The following UST variants were observed in gnomAD, a reference collection of about 807,000 sequenced individuals.
The protein encoded by UST is chondroitin sulfate 2-O-sulfotransferase.
In UST, 21 loss-of-function variants were observed where a neutral mutation model predicts 45.6. The ratio of observed to expected loss-of-function variants is 0.46; its 90% confidence interval spans 0.33 to 0.66. The LOEUF is 0.66. Among genes scored for constraint, UST ranks in the 30% least tolerant of loss-of-function variants. The pLI is 0.02. For missense variants in UST, 463 were observed against 512.4 expected (o/e 0.90, Z 0.93); for synonymous variants, 215 against 200.6 (o/e 1.07, Z -0.61).
At chr6:148,800,241 G>A (rs1469366668) in intron 1 of UST, among the ~76,000 whole-genome samples, 1 of 152,192 alleles carries the variant, frequency 6.6e-6, no homozygotes, top group Non-Finnish European at 1.5e-5. Flanking sequence ...TGGTTCAGAA[G>A]CCAGCCTCAT....
At chr6:148,803,249 C>T (rs1433854923) in intron 1 of UST, among the ~76,000 whole-genome samples, 1 of 152,170 alleles carries the variant, frequency 6.6e-6, no homozygotes, top group Non-Finnish European at 1.5e-5. Context: ...TCCATTTCTA[C>T]TCTCCTTCTT....
At chr6:148,846,510 A>G (rs1181007523) in intron 1 of UST, among the ~76,000 whole-genome samples, 3 of 151,992 alleles carry the variant, frequency 2.0e-5, no homozygotes, top group African/African-American at 4.8e-5. Flanking sequence ...TGACGAGTTA[A>G]TGGGTGCAGC....
chr6:148,938,940 T>C (rs2114919926), intron 2 of UST, among the ~76,000 whole-genome samples: 1 of 152,134 alleles, frequency 6.6e-6, no homozygotes, highest in Non-Finnish European at 1.5e-5. Context: ...AAAACTTCTC[T>C]GTTTGCACAT....
chr6:148,830,312 C>G (rs1403848818), intron 1 of UST, among the ~76,000 whole-genome samples: 2 of 152,162 alleles, frequency 1.3e-5, no homozygotes, highest in African/African-American at 2.4e-5. Context: ...TTTCTATTAT[C>G]CTTTCATTTC....
intron 5 of UST, among the ~76,000 whole-genome samples, chr6:149,017,547 A>G (rs1464066340): frequency 6.6e-6 from 1 of 151,980 alleles, no homozygotes; most frequent in South Asian, 2.1e-4. Context: ...GTTTATGTAA[A>G]CATGTTGATT....
chr6:148,933,876 C>G (rs983794440), intron 2 of UST, among the ~76,000 whole-genome samples: 1 of 152,210 alleles, frequency 6.6e-6, no homozygotes, highest in Non-Finnish European at 1.5e-5. Flanking sequence ...AAGAATAGGA[C>G]AGCCAAGGTG....
intron 2 of UST, among the ~76,000 whole-genome samples, chr6:148,936,655 C>A (rs1780032860): frequency 7.1e-6 from 1 of 140,168 alleles, no homozygotes; most frequent in South Asian, 2.3e-4. Context: ...ATTTTTAAAG[C>A]AGACCTTCAG....
In UST at chr6:148,819,998, T is replaced by C. The variant is rs541239280; in HGVS notation, c.248-66988T>C. 5.3e-5 allele frequency among the ~76,000 whole-genome samples: 8 copies of C among 152,308 alleles called. No homozygotes were observed. In the East Asian group the frequency reaches 1.2e-3, roughly 22 times the overall value. On this transcript the variant is annotated intron_variant, in intron 1 of 7. Transcript: ENST00000367463. ...GCCCATCTGTACCCATGGGGGCCTC[T>C]CTCTCCGGGTGCCAGCTTAGTTTCA...
chr6:148,975,183 C>T (rs1182474201), intron 5 of UST, among the ~76,000 whole-genome samples: 1 of 152,208 alleles, frequency 6.6e-6, no homozygotes, highest in East Asian at 1.9e-4. Context: ...ATCTTTATTT[C>T]TCTTGGTAAC....
At chr6:149,018,872 A>G (rs1399876641) in intron 5 of UST, among the ~76,000 whole-genome samples, 1 of 152,176 alleles carries the variant, frequency 6.6e-6, no homozygotes, top group Non-Finnish European at 1.5e-5. Flanking sequence ...ACCAAACTTA[A>G]GACTCGGAGC....
At chr6:148,828,160 G>T (rs573440508) in intron 1 of UST, among the ~76,000 whole-genome samples, 1 of 151,900 alleles carries the variant, frequency 6.6e-6, no homozygotes, top group African/African-American at 2.4e-5. Flanking sequence ...GATATATGAC[G>T]TCTGTCAAAT....
At chr6:148,782,953 C>T (rs77957083) in intron 1 of UST, among the ~76,000 whole-genome samples, 14,605 of 152,226 alleles carry the variant, frequency 0.096, 818 homozygotes, top group Non-Finnish European at 0.13. Context: ...TGCTATCAAA[C>T]CACATCATAT....
At chr6:148,967,370 G>T (rs573964419) in intron 5 of UST, among the ~76,000 whole-genome samples, 1 of 152,250 alleles carries the variant, frequency 6.6e-6, no homozygotes, top group South Asian at 2.1e-4. Flanking sequence ...GGGGGGAGGG[G>T]TGTCCCCTTC....
At chr6:148,774,880 T>A (rs1488881860) in intron 1 of UST, among the ~76,000 whole-genome samples, 2 of 152,088 alleles carry the variant, frequency 1.3e-5, no homozygotes, top group African/African-American at 4.8e-5. Context: ...TAGCCAGGCA[T>A]GGTGGCAGGC....
intron 3 of UST, among the ~76,000 whole-genome samples, chr6:148,943,660 G>A (rs1780175191): frequency 6.6e-6 from 1 of 152,214 alleles, no homozygotes; most frequent in Non-Finnish European, 1.5e-5. Flanking sequence ...AGTCTTTTAA[G>A]ATTCTTTCCA....
Position 148,747,454 on chromosome 6 carries a change from C to G in UST, c.24C>G (p.Pro8=), listed in dbSNP as rs1290772858. The G allele has an allele frequency of 1.4e-6, 2 of 1,427,648 alleles. No individual in the cohort carries two copies. Among genetic ancestry groups the G allele is most frequent in the Non-Finnish European group, 1.8e-6 (2 of 1,088,600 alleles). 88.4% of individuals were successfully genotyped at this position (1,427,648 alleles called of 1,614,324 possible). A position where few individuals can be genotyped will look rare whatever the true frequency, so the allele number is the denominator to read the frequency against. Residue 8 remains proline, a synonymous_variant, in exon 1 of 8, where the codon CCC becomes CCG. Coordinates refer to ENST00000367463, the MANE Select transcript of UST (RefSeq NM_005715.3). The part of the protein sequence containing the change: MKKKQQH[P]GGGADPWPHG... ...CGATGAAGAAGAAGCAGCAGCATCC[C>G]GGCGGCGGCGCGGATCCCTGGCCCC... is the stretch of plus-strand genomic sequence containing the variant.
chr6:148,776,734 A>G (rs1268344891), intron 1 of UST, among the ~76,000 whole-genome samples: 2 of 152,208 alleles, frequency 1.3e-5, no homozygotes, highest in Non-Finnish European at 1.5e-5. Flanking sequence ...TCTTTAAAAC[A>G]TATTACACAT....
intron 7 of UST, among the ~76,000 whole-genome samples, chr6:149,049,963 AC>A: frequency 1.3e-5 from 1 of 76,374 alleles, no homozygotes; most frequent in African/African-American, 4.0e-5. Flanking sequence ...ACACACACAC[AC>A]ACGTGGCCCT....
At chr6:148,847,829 G>A (rs558158572) in intron 1 of UST, among the ~76,000 whole-genome samples, 5 of 152,314 alleles carry the variant, frequency 3.3e-5, no homozygotes, top group Admixed American at 3.3e-4. Flanking sequence ...ATGTTCACTG[G>A]CACAGAAGAT....
Sources: gnomAD v4.1 joint callset for allele counts (sites outside exome capture counted in the v4.1 genomes callset) on GRCh38, gnomAD v4.1.1 for gene constraint, MANE v1.5 for transcripts, NCBI Gene and HGNC (gene_info 2026-07-23, HGNC 2026-07-21) for gene names.